Variants in STK32B observed in about 807,000 individuals in gnomAD.
STK32B encodes the protein serine/threonine-protein kinase 32B.
STK32B carries 43 observed loss-of-function variants against 52.6 expected under a neutral mutation model. The ratio of observed to expected loss-of-function variants is 0.82; its 90% CI spans 0.64 to 1.05. The LOEUF is 1.05. Among genes scored for constraint, STK32B ranks in the 50% least tolerant of loss-of-function variants. The pLI, the probability that STK32B is intolerant of heterozygous loss-of-function variation, is 0.00. For missense variants in STK32B, 621 were observed against 534.6 expected (o/e 1.16, Z -1.59); for synonymous variants, 238 against 204.3 (o/e 1.17, Z -1.41).
At chr4:5,132,486 AAAAT>A (rs1449944818) in intron 1 of STK32B, among the ~76,000 whole-genome samples, 4 of 152,318 alleles carry the variant, frequency 2.6e-5, no homozygotes, top group Non-Finnish European at 5.9e-5. Context: ...CCTAAAATAA[AAAAT>A]AAATAAAAGG....
the STK32B span, among the ~76,000 whole-genome samples, chr4:5,034,391 C>A: frequency 6.6e-6 from 1 of 152,234 alleles, no homozygotes. Flanking sequence ...CTGCTGGCCG[C>A]TGGGCCTCCG....
At chr4:5,436,011 C>T (rs527904267) in intron 6 of STK32B, 1 of 152,408 alleles carries the variant, frequency 6.6e-6, no homozygotes, top group East Asian at 1.9e-4. Context: ...GAGACAGAGA[C>T]AGGGTGTTCC....
chr4:5,111,622 G>A (rs1714412241), intron 1 of STK32B, among the ~76,000 whole-genome samples: 1 of 152,026 alleles, frequency 6.6e-6, no homozygotes, highest in African/African-American at 2.4e-5. Context: ...AAAGGGGTTG[G>A]GAAGGGTTGA....
intron 4 of STK32B, among the ~76,000 whole-genome samples, chr4:5,385,759 C>T (rs535617828): frequency 3.3e-5 from 5 of 152,186 alleles, no homozygotes; most frequent in Non-Finnish European, 5.9e-5. Flanking sequence ...TGTGCTGCTC[C>T]ACCTCTCCTG....
intron 2 of STK32B, among the ~76,000 whole-genome samples, chr4:5,155,490 T>G (rs1717746851): frequency 6.6e-6 from 1 of 152,186 alleles, no homozygotes; most frequent in South Asian, 2.1e-4. Flanking sequence ...ATGCAGTTTA[T>G]AGAGACACAC....
chr4:5,356,051 G>C (rs2108991647), intron 4 of STK32B, among the ~76,000 whole-genome samples: 1 of 152,254 alleles, frequency 6.6e-6, no homozygotes, highest in Admixed American at 6.5e-5. Context: ...TCCATGTCAA[G>C]CACTGAGCAG....
chr4:5,032,195 C>G, the STK32B span, among the ~76,000 whole-genome samples: 1 of 150,698 alleles, frequency 6.6e-6, no homozygotes, highest in African/African-American at 2.4e-5. Flanking sequence ...AAAACCTGGC[C>G]GGGCACAGTG....
intron 3 of STK32B, among the ~76,000 whole-genome samples, chr4:5,258,718 TGGG>T (rs1726500991): frequency 1.3e-5 from 2 of 152,212 alleles, no homozygotes; most frequent in African/African-American, 4.8e-5. Context: ...ACCTCTCTCC[TGGG>T]TGATTGTAAC....
At chr4:5,247,770 T>A (rs769191564) in intron 3 of STK32B, among the ~76,000 whole-genome samples, 1 of 152,218 alleles carries the variant, frequency 6.6e-6, no homozygotes, top group Non-Finnish European at 1.5e-5. Context: ...CCCAGAGCCC[T>A]AGCCAAGGAG....
chr4:5,452,256 T>C (rs1471921907), intron 7 of STK32B, among the ~76,000 whole-genome samples: 4 of 151,868 alleles, frequency 2.6e-5, no homozygotes, highest in African/African-American at 9.7e-5. Context: ...CAGAGAAGGT[T>C]GAGGGTACAG....
At chr4:5,416,189 C>T (rs1187208545) in intron 5 of STK32B, among the ~76,000 whole-genome samples, 2 of 151,816 alleles carry the variant, frequency 1.3e-5, no homozygotes, top group East Asian at 1.9e-4. Context: ...TCCCTGTCCC[C>T]TTCCTTCCTT....
intron 4 of STK32B, among the ~76,000 whole-genome samples, chr4:5,361,111 A>T (rs1031132686): frequency 6.6e-6 from 1 of 152,200 alleles, no homozygotes; most frequent in African/African-American, 2.4e-5. Context: ...TTCACTTAAC[A>T]TAATATCTGC....
chr4:5,450,044 A>G lies in STK32B; in HGVS notation c.666+3268A>G, dbSNP rs1474278715. 3.9e-5 allele frequency among the ~76,000 whole-genome samples: 6 copies of G among 152,376 alleles called. No homozygotes were observed. The East Asian group carries it at 9.6e-4, about 24-fold the overall frequency. On this transcript the variant is annotated intron_variant, in intron 7 of 11. Coordinates refer to ENST00000282908, the MANE Select transcript of STK32B (RefSeq NM_018401.3). ...TAGTCCATGGAAAAAAATGTCTTCCACAAAACCAGTCCCTGGTGCCAAAAA... is the reference window on the plus strand; with the variant it reads ...TAGTCCATGGAAAAAAATGTCTTCCGCAAAACCAGTCCCTGGTGCCAAAAA...
intron 1 of STK32B, among the ~76,000 whole-genome samples, chr4:5,085,834 A>G (rs557060971): frequency 1.3e-5 from 2 of 152,226 alleles, no homozygotes; most frequent in Non-Finnish European, 2.9e-5. Flanking sequence ...TATCTCAGCG[A>G]TAGCCTTGAA....
intron 4 of STK32B, among the ~76,000 whole-genome samples, chr4:5,369,854 A>C (rs1460660450): frequency 6.6e-6 from 1 of 152,088 alleles, no homozygotes; most frequent in Non-Finnish European, 1.5e-5. Flanking sequence ...GGTAGCTATC[A>C]AAGAGTATAT....
chr4:5,035,812 C>G, the STK32B span, among the ~76,000 whole-genome samples: 7 of 145,874 alleles, frequency 4.8e-5, no homozygotes, highest in Non-Finnish European at 8.9e-5. Flanking sequence ...GGGACGAAGT[C>G]TCGCTGTCAC....
At chr4:5,463,506 G>A (rs1323541996) in intron 9 of STK32B, among the ~76,000 whole-genome samples, 1 of 151,884 alleles carries the variant, frequency 6.6e-6, no homozygotes, top group Non-Finnish European at 1.5e-5. Context: ...AGACACACAT[G>A]CACACTCATT....
chr4:5,231,960 T>G lies in STK32B; in HGVS notation c.260+63510T>G, dbSNP rs143320081. Among the ~76,000 whole-genome samples, 282 of 152,296 alleles carry G rather than the reference T, an allele frequency of 1.9e-3. 7 individuals are homozygous for G. Among genetic ancestry groups the G allele is most frequent in the Admixed American group, 0.015 (237 of 15,300 alleles). On this transcript the variant is annotated intron_variant, in intron 3 of 11. Coordinates refer to ENST00000282908, the MANE Select transcript of STK32B (RefSeq NM_018401.3). ...ATACACAGAAGAAAGGATCCCATAATGAATGGTAAAAATTCCTTCCTTCAT... is the reference window on the plus strand; with the variant it reads ...ATACACAGAAGAAAGGATCCCATAAGGAATGGTAAAAATTCCTTCCTTCAT...
rs375083900 is a variant in STK32B at position 5,223,733 on chromosome 4, C to T, written c.260+55283C>T. 4.0e-5 allele frequency among the ~76,000 whole-genome samples: 6 copies of T among 148,254 alleles called. No homozygotes were observed. The South Asian group carries it at 8.5e-4, about 21-fold the overall frequency. On this transcript the variant is annotated intron_variant, in intron 3 of 11. Transcript: ENST00000282908. The stretch of plus-strand genomic sequence containing the variant: ...TTGGGAGGCTGAGGCAGGAGAATGG[C>T]GTGAACCTGGGAGGCAGAGCTTGCA...
Sources: allele counts gnomAD v4.1 joint callset (sites outside exome capture counted in the v4.1 genomes callset), GRCh38; gene constraint gnomAD v4.1.1; transcripts MANE v1.5; gene names NCBI Gene and HGNC (gene_info 2026-07-23, HGNC 2026-07-21).